PARP11: variants seen among roughly 807,000 people sequenced by gnomAD.
The protein encoded by PARP11 is protein mono-ADP-ribosyltransferase PARP11.
In PARP11, 31 loss-of-function variants were observed where a neutral mutation model predicts 42.9. The observed-to-expected ratio is 0.72, with a 90% CI of 0.54 to 0.98. PARP11 has a LOEUF of 0.98. Ranked by LOEUF, PARP11 falls within the 50% of genes least tolerant of loss-of-function variation. The pLI is 0.00. For missense variants in PARP11, 365 were observed against 413.1 expected, an observed-to-expected ratio of 0.88 and a Z score of 1.01; for synonymous variants, 137 against 127.3, an observed-to-expected ratio of 1.08 and a Z score of -0.51.
chr12:3,867,644 G>A (rs1003369555), intron 1 of PARP11, among the ~76,000 whole-genome samples: 2 of 152,212 alleles, frequency 1.3e-5, no homozygotes, highest in African/African-American at 4.8e-5. Flanking sequence ...TTGCTAGGAT[G>A]TGATTCCTTC....
chr12:3,822,732 G>GT (rs141594640), intron 4 of PARP11, among the ~76,000 whole-genome samples: 9,012 of 151,120 alleles, frequency 0.06, 340 homozygotes, highest in East Asian at 0.18. Context: ...GTTCTGTCTT[G>GT]TTTTTTTTGA....
intron 6 of PARP11, among the ~76,000 whole-genome samples, chr12:3,818,382 C>A (rs1357801224): frequency 1.3e-5 from 2 of 152,136 alleles, no homozygotes; most frequent in Non-Finnish European, 2.9e-5. Context: ...ATAACTGGAC[C>A]ACCCTTCTCT....
rs1158485164 is a variant in PARP11 at position 3,862,000 on chromosome 12, G to C, written c.18+11212C>G. ...AGATAGCACCACTGCACTCCAACCTGGTTGATGGAGCGAGACTCCGTACCT... is the reference window on the plus strand; with the variant it reads ...AGATAGCACCACTGCACTCCAACCTCGTTGATGGAGCGAGACTCCGTACCT... On this transcript the variant is annotated intron_variant, in intron 1 of 7. Transcript: ENST00000228820. This position sits in a 1 kb window ranked among gnomAD's most constrained non-coding sequence, Gnocchi z 4.6. Among the ~76,000 whole-genome samples the C allele has an allele frequency of 6.6e-6, 1 of 152,042 alleles. No homozygotes were observed. The highest frequency in any genetic ancestry group is 6.5e-5 in the Admixed American group (1 of 15,274).
intron 6 of PARP11, among the ~76,000 whole-genome samples, chr12:3,816,181 C>T (rs1332828668): frequency 6.6e-6 from 1 of 151,236 alleles, no homozygotes; most frequent in Non-Finnish European, 1.5e-5. Flanking sequence ...TTTATAAAAA[C>T]AAACGAAAAA....
chr12:3,839,381 CCT>C (rs1947841259), intron 1 of PARP11: 1 of 1,553,082 alleles, frequency 6.4e-7, no homozygotes, highest in African/African-American at 1.4e-5. Flanking sequence ...CCCATGGACG[CCT>C]ATCTGCGGAA....
intron 1 of PARP11, chr12:3,839,386 C>T (rs1947841381): frequency 1.9e-6 from 3 of 1,556,856 alleles, no homozygotes; most frequent in Middle Eastern, 3.3e-4. Flanking sequence ...GGACGCCTAT[C>T]TGCGGAAACT....
At chr12:3,871,210 T>C (rs1362467763) in intron 1 of PARP11, among the ~76,000 whole-genome samples, 1 of 152,242 alleles carries the variant, frequency 6.6e-6, no homozygotes, top group East Asian at 1.9e-4. Context: ...TAGGAAATTA[T>C]TGCAAATATG....
At chr12:3,854,322 C>A (rs1948153174) in intron 1 of PARP11, among the ~76,000 whole-genome samples, 2 of 152,074 alleles carry the variant, frequency 1.3e-5, no homozygotes, top group South Asian at 4.1e-4. Context: ...ACAAAAAACT[C>A]TTCAAAAAAA....
At chr12:3,857,668 A>G (rs1185821061) in intron 1 of PARP11, among the ~76,000 whole-genome samples, 2 of 151,986 alleles carry the variant, frequency 1.3e-5, no homozygotes, top group Non-Finnish European at 2.9e-5. Flanking sequence ...AAAGGCATGT[A>G]TCACCAGAAA....
chr12:3,864,052 C>T (rs1338208753), intron 1 of PARP11: 1 of 152,206 alleles, frequency 6.6e-6, no homozygotes, highest in African/African-American at 2.4e-5. Flanking sequence ...GTTTCAACAA[C>T]CCCAGCCTGT....
intron 1 of PARP11, chr12:3,841,004 C>T: frequency 6.3e-7 from 1 of 1,595,638 alleles, no homozygotes; most frequent in Non-Finnish European, 8.6e-7. Context: ...GGTGTCCCTG[C>T]TCCAATTCCT....
At position 3,822,101 on chromosome 12, in the gene PARP11, G is replaced by A; in HGVS notation, c.401C>T (p.Thr134Ile). The change falls in exon 5 of 8, where the codon ACT becomes ATT. Residue 134 changes from threonine to isoleucine, a missense_variant. By Grantham distance (89) the Thr-to-Ile change is moderately conservative. Coordinates refer to ENST00000228820, the MANE Select transcript of PARP11 (RefSeq NM_020367.6). ...TGCTCTTACCTGATATGGTACTTGA[G>A]TATTCACATTCTCCCAGTGTGGTGG... ...PMPPHWENVNTQVPYQLIPLH... is the reference protein window; with the variant it reads ...PMPPHWENVNIQVPYQLIPLH... The A allele has an allele frequency of 3.1e-6, 5 of 1,613,840 alleles. No individual in the cohort carries two copies. Among genetic ancestry groups the A allele is most frequent in the Non-Finnish European group, 4.2e-6 (5 of 1,179,798 alleles).
intron 1 of PARP11, among the ~76,000 whole-genome samples, chr12:3,853,679 A>T (rs1331428832): frequency 6.6e-6 from 1 of 152,202 alleles, no homozygotes; most frequent in Non-Finnish European, 1.5e-5. Flanking sequence ...CCCACACAAT[A>T]ACAATGGGAG....
chr12:3,813,214 G>C (rs955218864), intron 7 of PARP11, among the ~76,000 whole-genome samples: 1 of 152,140 alleles, frequency 6.6e-6, no homozygotes, highest in Non-Finnish European at 1.5e-5. Context: ...AGTGGAAACC[G>C]ATGGCCTACA....
intron 1 of PARP11, among the ~76,000 whole-genome samples, chr12:3,855,940 T>C (rs559326423): frequency 6.6e-6 from 1 of 152,058 alleles, no homozygotes; most frequent in East Asian, 1.9e-4. Context: ...TATAGACCAA[T>C]GGAACGGAAC....
At chr12:3,871,963 G>A (rs1476443270) in intron 1 of PARP11, 1 of 152,136 alleles carries the variant, frequency 6.6e-6, no homozygotes, top group Non-Finnish European at 1.5e-5. Context: ...CAAGGTGAGT[G>A]ATAGAAACTA....
At chr12:3,844,926 T>C (rs1947969355) in intron 1 of PARP11, among the ~76,000 whole-genome samples, 1 of 152,248 alleles carries the variant, frequency 6.6e-6, no homozygotes, top group Admixed American at 6.5e-5. Context: ...AGCAAGCTTT[T>C]GTCCTTCATT....
chr12:3,812,021 A>G lies in PARP11; in HGVS notation c.*102T>C, dbSNP rs145096701. 475 of 875,712 alleles carry G rather than the reference A, an allele frequency of 5.4e-4. 3 individuals are homozygous for G. The highest frequency in any genetic ancestry group is 3.1e-3 in the Admixed American group (116 of 37,774). 54.2% of individuals were successfully genotyped at this position (875,712 alleles called of 1,614,324 possible). On this transcript the variant is annotated 3_prime_UTR_variant, in exon 8 of 8. Transcript: ENST00000228820. ...GCCACTTTTTTTCATATCTGTTTCA[A>G]AAGTATCAGATAATTAACATTTAGT...
Position 3,822,006 on chromosome 12 carries a change from G to C in PARP11, c.418-3C>G. 6.2e-7 allele frequency: 1 copy of C among 1,605,716 alleles called. No individual in the cohort carries two copies. The highest frequency in any genetic ancestry group is 8.5e-7 in the Non-Finnish European group (1 of 1,176,954). Reference sequence around the variant, plus strand: ...GTTTGATTGTGCAGAGGAATAAGCTGGAAAAATAAATTTGCATAGATTTAC... The same window carrying C: ...GTTTGATTGTGCAGAGGAATAAGCTCGAAAAATAAATTTGCATAGATTTAC... On this transcript the variant is annotated splice_region_variant and splice_polypyrimidine_tract_variant and intron_variant, in intron 5 of 7. Coordinates refer to ENST00000228820, the MANE Select transcript of PARP11 (RefSeq NM_020367.6).
Sources: allele counts gnomAD v4.1 joint callset (sites outside exome capture counted in the v4.1 genomes callset), GRCh38; gene constraint gnomAD v4.1.1; non-coding constraint Gnocchi (gnomAD v3.1); transcripts MANE v1.5; gene names NCBI Gene and HGNC (gene_info 2026-07-23, HGNC 2026-07-21).